Variants in USP22 observed in about 807,000 individuals in gnomAD.
The protein encoded by USP22 is ubiquitin specific peptidase 22.
In USP22, 22 loss-of-function variants were observed where a neutral mutation model predicts 68.1. That is an observed-to-expected ratio of 0.32 (90% CI 0.23 to 0.46). USP22 has a LOEUF of 0.46. USP22 is among the 20% of genes least tolerant of loss of function. USP22 has a pLI of 1.00. For synonymous variants in USP22, 279 were observed against 274.2 expected, an observed-to-expected ratio of 1.02 and a Z score of -0.17; for missense variants, 433 against 695.8, an observed-to-expected ratio of 0.62 and a Z score of 4.25.
At position 21,018,295 on chromosome 17, in the gene USP22, A is replaced by C. The variant is rs143862125; in HGVS notation, c.521-184T>G. 324 of 555,088 alleles carry C rather than the reference A, an allele frequency of 5.8e-4. 1 individual carries two copies. The East Asian group carries it at 9.2e-3, about 16-fold the overall frequency. 34.4% of individuals were successfully genotyped at this position (555,088 alleles called of 1,614,324 possible). A position where few individuals can be genotyped will look rare whatever the true frequency, so the allele number is the denominator to read the frequency against. ...CACTTTTACATGAACGGTATTGAAG[A>C]ATGTCCACCACCATGGACCCCTCCC... On this transcript the variant is annotated intron_variant, in intron 4 of 12. Transcript: ENST00000261497.
chr17:21,008,717 C>T (rs1025170276), intron 8 of USP22, among the ~76,000 whole-genome samples: 5 of 152,056 alleles, frequency 3.3e-5, no homozygotes, highest in South Asian at 4.2e-4. Flanking sequence ...ATCGGGGGAC[C>T]GGGGTAAAGG....
At chr17:21,035,748 C>T (rs1426209651) in intron 1 of USP22, among the ~76,000 whole-genome samples, 3 of 152,052 alleles carry the variant, frequency 2.0e-5, no homozygotes, top group South Asian at 2.1e-4. Flanking sequence ...AATGAACTTT[C>T]GGCTGGGCGC....
chr17:21,027,751 A>G (rs7216786), intron 2 of USP22, among the ~76,000 whole-genome samples: 113,499 of 152,120 alleles, frequency 0.75, 42,817 homozygotes, highest in South Asian at 0.82. Context: ...GGAGGATCAC[A>G]TGAGGTCAGG....
chr17:21,033,832 T>G (rs1351342453), intron 1 of USP22, among the ~76,000 whole-genome samples: 1 of 151,332 alleles, frequency 6.6e-6, no homozygotes, highest in Non-Finnish European at 1.5e-5. Context: ...AACTGCAACC[T>G]CCGCCTCCCG....
intron 10 of USP22, among the ~76,000 whole-genome samples, chr17:21,005,843 T>C (rs1331471879): frequency 6.6e-6 from 1 of 152,230 alleles, no homozygotes; most frequent in East Asian, 1.9e-4. Flanking sequence ...AACCAGTCTT[T>C]GCAGAGACTC....
chr17:21,002,764 T>C lies in USP22; in HGVS notation c.*267A>G, dbSNP rs1242637384. On this transcript the variant is annotated 3_prime_UTR_variant, in exon 13 of 13. Coordinates refer to ENST00000261497, the MANE Select transcript of USP22 (RefSeq NM_015276.2). ...CCCCATGTCATGACACAAGAGATGT[T>C]CTGGTGACGGGTGTACGCTGCTCCT... 7.0e-6 allele frequency: 3 copies of C among 427,344 alleles called. No homozygotes were observed. Among genetic ancestry groups the C allele is most frequent in the Non-Finnish European group, 1.3e-5 (3 of 227,462 alleles). The allele number at this position is 427,344 out of a possible 1,614,324, so 26.5% of individuals were successfully genotyped here.
chr17:21,028,515 T>TCCC (rs753215969), intron 2 of USP22, 27 bp downstream of exon 2: 1 of 1,610,696 alleles, frequency 6.2e-7, no homozygotes, highest in South Asian at 1.1e-5. Flanking sequence ...GCCACAACTA[T>TCCC]CCCCCCATCC....
chr17:21,036,030 C>CAA (rs35324126), intron 1 of USP22, among the ~76,000 whole-genome samples: 1,018 of 59,534 alleles, frequency 0.017, 55 homozygotes, highest in African/African-American at 0.059. Flanking sequence ...GACTCCGTCT[C>CAA]AAAAAAAAAA....
Position 21,042,977 on chromosome 17 carries a change from A to G in USP22, c.-142T>C. On this transcript the variant is annotated 5_prime_UTR_variant, in exon 1 of 13. Transcript: ENST00000261497. ...AACAAAGCGCGGAGGCCGGACAAAG[A>G]TGGGGCTGCGCGATCGCCGAGGGGA... The G allele has an allele frequency of 2.4e-6, 1 of 421,570 alleles. No individual in the cohort carries two copies. The highest frequency in any genetic ancestry group is 3.8e-6 in the Non-Finnish European group (1 of 264,690). The allele number at this position is 421,570 out of a possible 1,614,324, so 26.1% of individuals were successfully genotyped here.
At chr17:21,019,535 A>G (rs1972128201) in intron 3 of USP22, among the ~76,000 whole-genome samples, 1 of 152,254 alleles carries the variant, frequency 6.6e-6, no homozygotes, top group African/African-American at 2.4e-5. Context: ...TACATGAAGG[A>G]TTCTCCCGCA....
At chr17:21,038,890 AAC>A (rs1027755819) in intron 1 of USP22, among the ~76,000 whole-genome samples, 11 of 152,186 alleles carry the variant, frequency 7.2e-5, no homozygotes, top group Admixed American at 7.2e-4. Context: ...TGTTATATTT[AAC>A]ACACACCAAA....
At chr17:21,004,068 G>A in intron 12 of USP22, 134 bp downstream of exon 12, 1 of 1,285,348 alleles carries the variant, frequency 7.8e-7, no homozygotes, top group Non-Finnish European at 1.1e-6. Context: ...ATCCAGAACA[G>A]GCTTCATTAC....
At chr17:21,038,935 G>C (rs1972390838) in intron 1 of USP22, among the ~76,000 whole-genome samples, 1 of 152,070 alleles carries the variant, frequency 6.6e-6, no homozygotes, top group Non-Finnish European at 1.5e-5. Flanking sequence ...GGTCGTGCCA[G>C]TCCTAAATCA....
intron 6 of USP22, among the ~76,000 whole-genome samples, chr17:21,013,762 A>C (rs1914041980): frequency 6.6e-6 from 1 of 152,214 alleles, no homozygotes; most frequent in Non-Finnish European, 1.5e-5. Context: ...GAATATCCAT[A>C]CAGGAAGGCG....
intron 8 of USP22, among the ~76,000 whole-genome samples, 182 bp downstream of exon 8, chr17:21,010,969 T>C (rs774686041): frequency 1.3e-5 from 2 of 152,106 alleles, no homozygotes; most frequent in Non-Finnish European, 2.9e-5. Flanking sequence ...GACAGAAATA[T>C]TGAGTCATCT....
At chr17:21,026,951 G>A (rs1482157524) in intron 2 of USP22, among the ~76,000 whole-genome samples, 4 of 151,962 alleles carry the variant, frequency 2.6e-5, no homozygotes, top group East Asian at 1.9e-4. Flanking sequence ...GCAGGCGTGC[G>A]CCACAGCACC....
chr17:21,037,520 G>C (rs527376562), intron 1 of USP22, among the ~76,000 whole-genome samples: 1 of 152,254 alleles, frequency 6.6e-6, no homozygotes, highest in African/African-American at 2.4e-5. Flanking sequence ...CATAACCACA[G>C]CTGAATCATG....
At chr17:21,025,329 C>A (rs969389155) in intron 2 of USP22, among the ~76,000 whole-genome samples, 13 of 152,080 alleles carry the variant, frequency 8.5e-5, no homozygotes, top group African/African-American at 3.1e-4. Context: ...CAATGAGATA[C>A]CATTTCACAC....
At chr17:21,038,309 T>C (rs959178361) in intron 1 of USP22, among the ~76,000 whole-genome samples, 2 of 151,808 alleles carry the variant, frequency 1.3e-5, no homozygotes. Context: ...AAACAAGTAA[T>C]GAGAGCTCTC....
Sources: allele counts gnomAD v4.1 joint callset (sites outside exome capture counted in the v4.1 genomes callset), GRCh38; gene constraint gnomAD v4.1.1; transcripts MANE v1.5; gene names NCBI Gene and HGNC (gene_info 2026-07-23, HGNC 2026-07-21).